Variants in RORB observed in about 807,000 individuals in gnomAD.
RORB encodes the protein nuclear receptor ROR-beta.
RORB carries 6 observed loss-of-function variants against 59.1 expected under a neutral mutation model. The ratio of observed to expected loss-of-function variants is 0.10; its 90% CI spans 0.06 to 0.20. The LOEUF is 0.20. RORB is among the 10% of genes least tolerant of loss of function. The pLI, the probability that RORB is intolerant of heterozygous loss-of-function variation, is 1.00. For missense variants in RORB, 320 were observed against 560.5 expected (o/e 0.57, Z 4.33); for synonymous variants, 215 against 204.5 (o/e 1.05, Z -0.44).
intron 1 of RORB, among the ~76,000 whole-genome samples, chr9:74,578,611 C>A (rs886928721): frequency 2.0e-5 from 3 of 152,002 alleles, no homozygotes; most frequent in East Asian, 1.9e-4. Context: ...CAAATGAATT[C>A]TTTAAATTGT....
rs564289548 is a variant in RORB, at chr9:74,670,370, C to A, written c.1112-1419C>A. 1.8e-4 allele frequency among the ~76,000 whole-genome samples: 28 copies of A among 152,166 alleles called. No homozygotes were observed. The East Asian group carries it at 4.2e-3, about 23-fold the overall frequency. ...TTGTGGCAAGTCAGTAAATTTTAAG[C>A]AGCAAATATTTAAGACATGAAATAT... On this transcript the variant is annotated intron_variant, in intron 8 of 9. Coordinates refer to ENST00000376896, the MANE Select transcript of RORB (RefSeq NM_006914.4).
At chr9:74,624,609 A>G (rs1308049160) in intron 1 of RORB, among the ~76,000 whole-genome samples, 2 of 152,212 alleles carry the variant, frequency 1.3e-5, no homozygotes, top group Non-Finnish European at 2.9e-5. Context: ...TACCTGCTGC[A>G]TCACAGACCT....
At chr9:74,628,050 G>C (rs1277929231) in intron 1 of RORB, among the ~76,000 whole-genome samples, 1 of 152,118 alleles carries the variant, frequency 6.6e-6, no homozygotes, top group African/African-American at 2.4e-5. Flanking sequence ...TATGAAGTTT[G>C]TCAGTTAAGC....
intron 1 of RORB, among the ~76,000 whole-genome samples, chr9:74,508,540 A>G (rs923070868): frequency 2.0e-5 from 3 of 152,042 alleles, no homozygotes; most frequent in African/African-American, 7.2e-5. Flanking sequence ...ATAATGCTTT[A>G]AAAGTAAAGG....
intron 9 of RORB, among the ~76,000 whole-genome samples, chr9:74,683,296 C>T (rs1320968483): frequency 1.3e-5 from 2 of 152,104 alleles, no homozygotes; most frequent in African/African-American, 4.8e-5. Context: ...CTGTGTGAGC[C>T]AGCTGGTTAA....
At chr9:74,521,016 A>G (rs141034987) in intron 1 of RORB, among the ~76,000 whole-genome samples, 2 of 152,030 alleles carry the variant, frequency 1.3e-5, no homozygotes, top group East Asian at 1.9e-4. Context: ...CCAGATGCCA[A>G]TTGGCATTCC....
chr9:74,604,952 T>G (rs1823126471), intron 1 of RORB, among the ~76,000 whole-genome samples: 1 of 152,198 alleles, frequency 6.6e-6, no homozygotes, highest in Non-Finnish European at 1.5e-5. Flanking sequence ...GCTGCTACAT[T>G]CGCTAAATTG....
chr9:74,534,537 G>T (rs1826292337), intron 1 of RORB, among the ~76,000 whole-genome samples: 5 of 151,914 alleles, frequency 3.3e-5, no homozygotes, highest in Admixed American at 3.3e-4. Flanking sequence ...TTTTGCCCCT[G>T]GCACCAGAGT....
chr9:74,611,255 A>C (rs1823227380), intron 1 of RORB, among the ~76,000 whole-genome samples: 1 of 152,210 alleles, frequency 6.6e-6, no homozygotes, highest in South Asian at 2.1e-4. Flanking sequence ...ATCTACCAAC[A>C]GGACAGAAAC....
At chr9:74,503,684 C>T (rs1825832202) in intron 1 of RORB, among the ~76,000 whole-genome samples, 1 of 151,946 alleles carries the variant, frequency 6.6e-6, no homozygotes, top group Non-Finnish European at 1.5e-5. Context: ...TCAAATTAAG[C>T]AACAAATTCA....
chr9:74,561,416 TA>T (rs1822395341), intron 1 of RORB, among the ~76,000 whole-genome samples: 2 of 152,286 alleles, frequency 1.3e-5, no homozygotes, highest in Admixed American at 1.3e-4. Context: ...CATCTGTCTC[TA>T]AGTACCAACT....
intron 1 of RORB, among the ~76,000 whole-genome samples, chr9:74,515,711 TA>T (rs1415338916): frequency 2.6e-5 from 4 of 151,972 alleles, no homozygotes; most frequent in African/African-American, 9.7e-5. Context: ...TGTTTCAAAA[TA>T]ACAGATGCAA....
chr9:74,552,570 G>A lies in RORB; in HGVS notation c.7+54587G>A, dbSNP rs533811621. Among the ~76,000 whole-genome samples the A allele has an allele frequency of 5.3e-5, 8 of 152,158 alleles. No individual in the cohort carries two copies. In the East Asian group the frequency reaches 1.5e-3, roughly 29 times the overall value. ...GTAATATGCACAACATAAGTGTTTA[G>A]CTATCAATAGTTCAACGTAGGGTCA... On this transcript the variant is annotated intron_variant, in intron 1 of 9. Coordinates refer to ENST00000376896, the MANE Select transcript of RORB (RefSeq NM_006914.4).
chr9:74,619,977 G>A (rs969309985), intron 1 of RORB, among the ~76,000 whole-genome samples: 2 of 152,128 alleles, frequency 1.3e-5, no homozygotes, highest in East Asian at 1.9e-4. Flanking sequence ...ATCGATGTTC[G>A]TCAGGGATAT....
chr9:74,613,338 G>T, intron 1 of RORB, among the ~76,000 whole-genome samples: 1 of 152,134 alleles, frequency 6.6e-6, no homozygotes, highest in East Asian at 1.9e-4. Flanking sequence ...AAAGCCCAAG[G>T]TTCTTTGCTA....
intron 1 of RORB, among the ~76,000 whole-genome samples, chr9:74,595,852 C>A (rs531740277): frequency 6.6e-6 from 1 of 152,206 alleles, no homozygotes; most frequent in Admixed American, 6.5e-5. Flanking sequence ...TTGGGGGCAC[C>A]TAAATTACCA....
At chr9:74,525,161 C>T (rs539047110) in intron 1 of RORB, among the ~76,000 whole-genome samples, 2 of 151,942 alleles carry the variant, frequency 1.3e-5, no homozygotes, top group African/African-American at 2.4e-5. Context: ...AAAAAGCGAG[C>T]AATACTTCAT....
intron 8 of RORB, among the ~76,000 whole-genome samples, chr9:74,668,912 C>T (rs533161154): frequency 6.6e-6 from 1 of 152,262 alleles, no homozygotes; most frequent in South Asian, 2.1e-4. Flanking sequence ...GAAAATGACT[C>T]ATACTGAAGA....
At chr9:74,654,700 A>G (rs1355948959) in intron 4 of RORB, among the ~76,000 whole-genome samples, 1 of 152,188 alleles carries the variant, frequency 6.6e-6, no homozygotes, top group Non-Finnish European at 1.5e-5. Context: ...TTTGATTCAC[A>G]CATTGTCATT....
Sources: allele counts gnomAD v4.1 joint callset (sites outside exome capture counted in the v4.1 genomes callset), GRCh38; gene constraint gnomAD v4.1.1; transcripts MANE v1.5; gene names NCBI Gene and HGNC (gene_info 2026-07-23, HGNC 2026-07-21).